GDPD5: variants seen among roughly 807,000 people sequenced by gnomAD.
GDPD5 encodes glycerophosphodiester phosphodiesterase 2.
Under a neutral mutation model 75.1 loss-of-function variants are expected in GDPD5, and 48 were observed. The ratio of observed to expected loss-of-function variants is 0.64; its 90% confidence interval spans 0.51 to 0.81. The LOEUF is 0.81. GDPD5 is among the 40% of genes least tolerant of loss of function. The pLI is 0.00. For missense variants in GDPD5, 706 were observed against 822.6 expected, an observed-to-expected ratio of 0.86 and a Z score of 1.73; for synonymous variants, 336 against 339.0, an observed-to-expected ratio of 0.99 and a Z score of 0.10.
chr11:75,442,390 C>T lies in GDPD5; in HGVS notation c.1140G>A (p.Val380=), dbSNP rs749983548. The T allele has an allele frequency of 1.3e-6, 2 of 1,576,422 alleles. No individual in the cohort carries two copies. The highest frequency in any genetic ancestry group is 2.3e-5 in the South Asian group (2 of 86,372). The change falls in exon 12 of 17, where the codon GTG becomes GTA. Residue 380 remains valine (V), a synonymous_variant. Coordinates refer to ENST00000336898, the MANE Select transcript of GDPD5 (RefSeq NM_030792.8). ...GGTGCTGGGGGAAGCCGGAGTGCAG[C>T]ACGGCCTCCAGAGTCACGTTGATAA... ...SSFINVTLEA[V]LHSGFPQHQV...
chr11:75,438,654 GGGTCCCTAAGCTCTA>G (rs1252076905), intron 15 of GDPD5: 1 of 152,412 alleles, frequency 6.6e-6, no homozygotes, highest in Non-Finnish European at 1.5e-5. Context: ...AGGGAGACGT[GGGTCCCTAAGCTCTA>G]GGTCCCATCC....
At position 75,457,595 on chromosome 11, in the gene GDPD5, C is replaced by T. The variant is rs991657234; in HGVS notation, c.315+98G>A. ...ATATTCCTACAAATACAGCTTTCCCCTTTATACCAGGGTGGGACCCTCCAT... is the reference window on the plus strand; with the variant it reads ...ATATTCCTACAAATACAGCTTTCCCTTTTATACCAGGGTGGGACCCTCCAT... On this transcript the variant is annotated intron_variant, in intron 5 of 16. Coordinates refer to ENST00000336898, the MANE Select transcript of GDPD5 (RefSeq NM_030792.8). 4 of 869,770 alleles carry T rather than the reference C, an allele frequency of 4.6e-6. No homozygotes were observed. The African/African-American group carries it at 6.7e-5, about 15-fold the overall frequency. 53.9% of individuals were successfully genotyped at this position (869,770 alleles called of 1,614,324 possible). A position where few individuals can be genotyped will look rare whatever the true frequency, so the allele number is the denominator to read the frequency against.
Position 75,444,438 on chromosome 11 carries a change from C to A in GDPD5, c.772G>T (p.Gly258Trp). The change falls in exon 10 of 17, where the codon GGG (glycine) becomes TGG (tryptophan). Residue 258 changes from glycine to tryptophan, a missense_variant. Gly to Trp is a radical substitution (Grantham distance 184, BLOSUM62 -2). Coordinates refer to ENST00000336898, the MANE Select transcript of GDPD5 (RefSeq NM_030792.8). Reference sequence around the variant, plus strand: ...CTGATGGTAATGTCAGCCTGGAGCCCGTACAGCTTCTGCTCGAGGGCCTTC... The same window carrying A: ...CTGATGGTAATGTCAGCCTGGAGCCAGTACAGCTTCTGCTCGAGGGCCTTC... ...FRKALEQKLY[G>W]LQADITISLD... is the part of the protein sequence containing the mutation. 6.2e-7 allele frequency: 1 copy of A among 1,613,672 alleles called. No homozygotes were observed. Among genetic ancestry groups the A allele is most frequent in the Non-Finnish European group, 8.5e-7 (1 of 1,179,746 alleles).
chr11:75,466,472 G>A (rs1382912884), intron 3 of GDPD5, among the ~76,000 whole-genome samples: 3 of 152,168 alleles, frequency 2.0e-5, no homozygotes, highest in Non-Finnish European at 4.4e-5. Context: ...CATTACAGCA[G>A]AGAGAGGCCT....
chr11:75,474,370 A>G (rs565141587), intron 3 of GDPD5, among the ~76,000 whole-genome samples: 1 of 152,298 alleles, frequency 6.6e-6, no homozygotes, highest in African/African-American at 2.4e-5. Flanking sequence ...ATGGCCTGAG[A>G]ACAGTCTTCT....
chr11:75,488,169 C>T (rs1225826260), intron 2 of GDPD5, among the ~76,000 whole-genome samples: 1 of 152,038 alleles, frequency 6.6e-6, no homozygotes, highest in Non-Finnish European at 1.5e-5. Flanking sequence ...TAGTTTTCTC[C>T]AAGCCACCAG....
Position 75,525,590 on chromosome 11 carries a change from G to A in GDPD5, c.-525C>T, listed in dbSNP as rs546574829. On this transcript the variant is annotated 5_prime_UTR_variant, in exon 1 of 17. Transcript: ENST00000336898. ...GGAGCGACCCTGCAACCACGGACCG[G>A]TACGGCGGCGTTAGGAGCGTCCCGT... The A allele has an allele frequency of 6.6e-6, 1 of 152,108 alleles. No individual in the cohort carries two copies. The highest frequency in any genetic ancestry group is 1.5e-5 in the Non-Finnish European group (1 of 68,036). The allele number at this position is 152,108 out of a possible 1,614,324, so 9.4% of individuals were successfully genotyped here.
At chr11:75,514,592 G>C (rs1293645671) in intron 1 of GDPD5, among the ~76,000 whole-genome samples, 1 of 152,192 alleles carries the variant, frequency 6.6e-6, no homozygotes, top group Non-Finnish European at 1.5e-5. Context: ...AGAGGCTCTG[G>C]CCATTGACAG....
chr11:75,439,792 G>T, intron 15 of GDPD5, 87 bp downstream of exon 15: 4 of 1,090,946 alleles, frequency 3.7e-6, no homozygotes, highest in Non-Finnish European at 5.7e-6. Context: ...GAGGCCCAGG[G>T]CTCAGGAGAG....
chr11:75,492,739 AT>A (rs1950131990), intron 1 of GDPD5, among the ~76,000 whole-genome samples: 1 of 152,076 alleles, frequency 6.6e-6, no homozygotes, highest in Non-Finnish European at 1.5e-5. Flanking sequence ...ATAGGGTTTT[AT>A]TTTATTTTTG....
chr11:75,436,727 CTGTG>C (rs916706592), intron 16 of GDPD5, among the ~76,000 whole-genome samples: 2 of 152,298 alleles, frequency 1.3e-5, no homozygotes, highest in African/African-American at 2.4e-5. Context: ...GGGTGGATGA[CTGTG>C]TGTGTGGGGG....
Position 75,449,610 on chromosome 11 carries a change from CCT to C in GDPD5, c.475-2_475-1del. ...CCCACATGCAGGAATGGCGCTGTGC[CCT>C]GTTTGCAGGGAGAGGGAAGGGAGAC... On this transcript the variant is annotated splice_acceptor_variant, in intron 7 of 16. Transcript: ENST00000336898. LOFTEE classifies it high-confidence loss of function. 1 of 1,573,458 alleles carries C rather than the reference CCT, an allele frequency of 6.4e-7. No individual in the cohort carries two copies.
intron 1 of GDPD5, among the ~76,000 whole-genome samples, chr11:75,492,030 A>G (rs1037374515): frequency 2.6e-5 from 4 of 152,140 alleles, no homozygotes; most frequent in African/African-American, 7.2e-5. Flanking sequence ...TCCTTCCACC[A>G]CACCTTACTG....
chr11:75,483,890 G>C (rs1431971344), intron 2 of GDPD5, among the ~76,000 whole-genome samples: 1 of 152,154 alleles, frequency 6.6e-6, no homozygotes, highest in African/African-American at 2.4e-5. Flanking sequence ...TTTTTGGGCT[G>C]GTGAAAATGT....
chr11:75,460,960 G>A (rs572501032), intron 4 of GDPD5, among the ~76,000 whole-genome samples: 1 of 151,988 alleles, frequency 6.6e-6, no homozygotes, highest in African/African-American at 2.4e-5. Context: ...GGGTAGAGTG[G>A]GTAGCTCCAT....
intron 2 of GDPD5, chr11:75,485,504 A>G (rs1162537063): frequency 7.7e-6 from 1 of 129,274 alleles, no homozygotes; most frequent in African/African-American, 3.1e-5. Flanking sequence ...GAAAAAGTGT[A>G]TTAAATACAC....
intron 1 of GDPD5, among the ~76,000 whole-genome samples, chr11:75,518,493 C>A (rs375140536): frequency 3.9e-5 from 6 of 152,146 alleles, no homozygotes; most frequent in African/African-American, 1.4e-4. Context: ...GGGTCATGCC[C>A]CAGAGATTGT....
chr11:75,481,357 C>G (rs1699740440), intron 2 of GDPD5, among the ~76,000 whole-genome samples: 1 of 152,214 alleles, frequency 6.6e-6, no homozygotes, highest in African/African-American at 2.4e-5. Context: ...TTACAGCCTG[C>G]AGTCTGAGGG....
At chr11:75,457,919 G>T in intron 4 of GDPD5, 133 bp from the exon 5 acceptor site, 1 of 643,038 alleles carries the variant, frequency 1.6e-6, no homozygotes, top group Non-Finnish European at 2.7e-6. Context: ...CTAGCAATAA[G>T]GCTCAGCGTC....
Sources: gnomAD v4.1 joint callset for allele counts (sites outside exome capture counted in the v4.1 genomes callset) on GRCh38, gnomAD v4.1.1 for gene constraint, MANE v1.5 for transcripts, NCBI Gene and HGNC (gene_info 2026-07-23, HGNC 2026-07-21) for gene names.